Variants in VWA3B observed in about 807,000 individuals in gnomAD.
The protein encoded by VWA3B is von Willebrand factor A domain containing 3B.
In VWA3B, 138 loss-of-function variants were observed where a neutral mutation model predicts 158.3. The observed-to-expected ratio is 0.87, with a 90% CI of 0.76 to 1.00. The LOEUF is 1.00. Ranked by LOEUF, VWA3B falls within the 50% of genes least tolerant of loss-of-function variation. The pLI is 0.00. For missense variants in VWA3B, 1,555 were observed against 1,565.1 expected (o/e 0.99, Z 0.11); for synonymous variants, 596 against 587.3 (o/e 1.01, Z -0.21).
chr2:98,298,565 A>T (rs1300369497), intron 24 of VWA3B, among the ~76,000 whole-genome samples: 1 of 152,176 alleles, frequency 6.6e-6, no homozygotes, highest in East Asian at 1.9e-4. Context: ...CTGATGTCAG[A>T]CGGTGATACC....
intron 2 of VWA3B, among the ~76,000 whole-genome samples, chr2:98,111,742 G>GT (rs1386371188): frequency 4.7e-4 from 72 of 151,756 alleles, no homozygotes; most frequent in African/African-American, 1.5e-3. Flanking sequence ...TTTAAATGGG[G>GT]TTATTTTTTG....
rs1681740911 is a variant in VWA3B at position 98,193,123 on chromosome 2, A to G, written c.1605+87A>G. The G allele has an allele frequency of 2.0e-6, 3 of 1,498,500 alleles. No homozygotes were observed. In the South Asian group the frequency reaches 4.1e-5, roughly 21 times the overall value. 92.8% of individuals were successfully genotyped at this position (1,498,500 alleles called of 1,614,324 possible). On this transcript the variant is annotated intron_variant, in intron 11 of 27. Transcript: ENST00000477737. Reference sequence around the variant, plus strand: ...GGATAGGGGCTTGTTGCTCTAAAAAATTCCTAAGAAAGCCAAATTCAGAGA... The same window carrying G: ...GGATAGGGGCTTGTTGCTCTAAAAAGTTCCTAAGAAAGCCAAATTCAGAGA...
intron 7 of VWA3B, 143 bp downstream of exon 7, chr2:98,134,082 T>G (rs1676075363): frequency 1.5e-6 from 1 of 675,292 alleles, no homozygotes; most frequent in South Asian, 1.9e-5. Flanking sequence ...GCAGAGTTAA[T>G]GGATATTAGT....
chr2:98,130,156 A>T (rs1220059198), intron 6 of VWA3B, among the ~76,000 whole-genome samples: 1 of 152,206 alleles, frequency 6.6e-6, no homozygotes, highest in Non-Finnish European at 1.5e-5. Context: ...CATAAACAAG[A>T]TAAAGAAAAA....
At chr2:98,126,291 C>T (rs1374752499) in intron 5 of VWA3B, among the ~76,000 whole-genome samples, 6 of 152,232 alleles carry the variant, frequency 3.9e-5, no homozygotes, top group Admixed American at 3.9e-4. Context: ...GCTGAGTTTA[C>T]ATGACGTGCA....
intron 20 of VWA3B, among the ~76,000 whole-genome samples, chr2:98,252,840 C>A (rs1418600578): frequency 6.6e-6 from 1 of 152,130 alleles, no homozygotes; most frequent in African/African-American, 2.4e-5. Flanking sequence ...ATTTGTCCTC[C>A]TTCTTACTTT....
At chr2:98,209,246 T>C (rs1352919364) in intron 12 of VWA3B, among the ~76,000 whole-genome samples, 1 of 152,110 alleles carries the variant, frequency 6.6e-6, no homozygotes, top group Non-Finnish European at 1.5e-5. Flanking sequence ...TGAATTGTAG[T>C]TTCTGTATCT....
chr2:98,321,947 G>A, the VWA3B span, among the ~76,000 whole-genome samples: 50 of 152,274 alleles, frequency 3.3e-4, 2 homozygotes, highest in South Asian at 9.8e-3. Context: ...GAATCATGGG[G>A]GCAGGTCTTT....
intron 12 of VWA3B, among the ~76,000 whole-genome samples, chr2:98,204,376 A>G (rs1682836029): frequency 6.6e-6 from 1 of 152,238 alleles, no homozygotes; most frequent in African/African-American, 2.4e-5. Flanking sequence ...CCCATTAAGT[A>G]TGATGTTAGC....
At chr2:98,124,495 A>G (rs1675207933) in intron 5 of VWA3B, among the ~76,000 whole-genome samples, 1 of 152,216 alleles carries the variant, frequency 6.6e-6, no homozygotes, top group African/African-American at 2.4e-5. Flanking sequence ...GATCAATACC[A>G]TGGGGACAGT....
At chr2:98,234,974 G>A (rs1558708098) in intron 17 of VWA3B, among the ~76,000 whole-genome samples, 1 of 152,096 alleles carries the variant, frequency 6.6e-6, no homozygotes, top group Non-Finnish European at 1.5e-5. Context: ...ATGGTGCCTG[G>A]GTGTTTAATA....
At chr2:98,301,141 T>C (rs575284402) in intron 25 of VWA3B, among the ~76,000 whole-genome samples, 2 of 151,872 alleles carry the variant, frequency 1.3e-5, no homozygotes, top group Non-Finnish European at 2.9e-5. Context: ...ATACAAAAAA[T>C]GAGCCGGGCA....
intron 8 of VWA3B, among the ~76,000 whole-genome samples, chr2:98,167,979 T>A (rs1219872921): frequency 2.0e-5 from 3 of 152,160 alleles, no homozygotes; most frequent in African/African-American, 7.2e-5. Flanking sequence ...CTAGGTAACA[T>A]AACTGCATCT....
intron 22 of VWA3B, among the ~76,000 whole-genome samples, chr2:98,276,383 T>A (rs532211444): frequency 6.6e-6 from 1 of 152,226 alleles, no homozygotes; most frequent in Non-Finnish European, 1.5e-5. Context: ...GAAAAACGCA[T>A]CAGAGATGCA....
chr2:98,329,794 G>C, the VWA3B span, among the ~76,000 whole-genome samples: 1 of 152,266 alleles, frequency 6.6e-6, no homozygotes, highest in Non-Finnish European at 1.5e-5. Context: ...AAGGCCTTAA[G>C]AACAGACCTG....
intron 12 of VWA3B, chr2:98,207,429 C>A: frequency 2.1e-6 from 1 of 474,580 alleles, no homozygotes. Context: ...TTCTGCATGG[C>A]TACAAATCCC....
Position 98,266,206 on chromosome 2 carries a change from T to G in VWA3B, c.2844-4476T>G, listed in dbSNP as rs577433299. Among the ~76,000 whole-genome samples, 29 of 151,956 alleles carry G rather than the reference T, an allele frequency of 1.9e-4. 1 individual carries two copies. In the East Asian group the frequency reaches 4.8e-3, roughly 25 times the overall value. On this transcript the variant is annotated intron_variant, in intron 21 of 27. Coordinates refer to ENST00000477737, the MANE Select transcript of VWA3B (RefSeq NM_144992.5). ...TAACGTTTAAGTCTTTAATCCATCTTGAATTAATTTTTGTATAAGGTGTAA... is the reference window on the plus strand; with the variant it reads ...TAACGTTTAAGTCTTTAATCCATCTGGAATTAATTTTTGTATAAGGTGTAA...
At chr2:98,216,209 G>A (rs1478923392) in intron 13 of VWA3B, among the ~76,000 whole-genome samples, 1 of 152,194 alleles carries the variant, frequency 6.6e-6, no homozygotes, top group African/African-American at 2.4e-5. Context: ...AAAATTAAGT[G>A]GGTTCTAGAA....
At position 98,107,039 on chromosome 2, in the gene VWA3B, G is replaced by C. The variant is rs145639682; in HGVS notation, c.197-8613G>C. Among the ~76,000 whole-genome samples, 974 of 152,120 alleles carry C rather than the reference G, an allele frequency of 6.4e-3. 8 individuals carry two copies. The highest frequency in any genetic ancestry group is 0.023 in the African/African-American group (944 of 41,472). On this transcript the variant is annotated intron_variant, in intron 2 of 27. Transcript: ENST00000477737. ...GTCCCTGATATTCCTAGTAATCTGA[G>C]AATTTTTATTATTAATGGGTGCTGA...
Sources: allele counts gnomAD v4.1 joint callset (sites outside exome capture counted in the v4.1 genomes callset), GRCh38; gene constraint gnomAD v4.1.1; transcripts MANE v1.5; gene names NCBI Gene and HGNC (gene_info 2026-07-23, HGNC 2026-07-21).